MAPK1IP1L: variants seen among roughly 807,000 people sequenced by gnomAD.
MAPK1IP1L encodes the protein MAPK-interacting and spindle-stabilizing protein-like.
Under a neutral mutation model 18.1 loss-of-function variants are expected in MAPK1IP1L, and 10 were observed. The ratio of observed to expected loss-of-function variants is 0.55; its 90% CI spans 0.34 to 0.94. MAPK1IP1L has a LOEUF of 0.94. MAPK1IP1L is among the 40% of genes least tolerant of loss of function. The pLI, the probability that MAPK1IP1L is intolerant of heterozygous loss-of-function variation, is 0.02. For synonymous variants in MAPK1IP1L, 115 were observed against 117.3 expected (o/e 0.98, Z 0.13); for missense variants, 260 against 318.2 (o/e 0.82, Z 1.39).
chr14:55,058,764 G>A (rs996204897), intron 1 of MAPK1IP1L, among the ~76,000 whole-genome samples: 23 of 152,102 alleles, frequency 1.5e-4, no homozygotes, highest in African/African-American at 5.3e-4. Context: ...CCCAGGAGAT[G>A]GAGGTTGCAG....
chr14:55,062,869 T>C lies in MAPK1IP1L; in HGVS notation c.270T>C (p.Pro90=). The C allele has an allele frequency of 1.2e-6, 2 of 1,614,158 alleles. No homozygotes were observed. The highest frequency in any genetic ancestry group is 1.7e-6 in the Non-Finnish European group (2 of 1,180,030). ...CAGGACCCCCAGCACCCTTTCCTCC[T>C]TCCGGACCATCATGTCCCCCACCTG... ...PPPGPPAPFP[P]SGPSCPPPGG... The change falls in exon 3 of 4, where the codon CCT becomes CCC. Residue 90 remains proline (P), a synonymous_variant. Coordinates refer to ENST00000395468, the MANE Select transcript of MAPK1IP1L (RefSeq NM_144578.4).
At chr14:55,056,711 T>A (rs112450852) in intron 1 of MAPK1IP1L, among the ~76,000 whole-genome samples, 5 of 152,014 alleles carry the variant, frequency 3.3e-5, no homozygotes, top group Non-Finnish European at 7.4e-5. Flanking sequence ...GGGTTTCACC[T>A]TGTTAGCCAG....
chr14:55,064,585 A>G (rs2042847622), intron 3 of MAPK1IP1L, 31 bp from the exon 4 acceptor site: 1 of 1,609,624 alleles, frequency 6.2e-7, no homozygotes, highest in Non-Finnish European at 8.5e-7. Context: ...TGCAAAATCT[A>G]GAAGTTGACT....
intron 3 of MAPK1IP1L, among the ~76,000 whole-genome samples, chr14:55,064,250 T>C (rs1209491519): frequency 6.6e-6 from 1 of 150,760 alleles, no homozygotes; most frequent in East Asian, 1.9e-4. Flanking sequence ...TGCTTCAGCC[T>C]CCCAAAGTGC....
rs1328682969 is a variant in MAPK1IP1L at position 55,067,500 on chromosome 14, C to T, written c.*2873C>T. On this transcript the variant is annotated 3_prime_UTR_variant, in exon 4 of 4. Coordinates refer to ENST00000395468, the MANE Select transcript of MAPK1IP1L (RefSeq NM_144578.4). The stretch of plus-strand genomic sequence containing the variant: ...TCTTGGCTCGCTGCAACCTCTGCCT[C>T]CAGGTTCAAACGATTCTTCTGCCTC... 3.3e-5 allele frequency: 5 copies of T among 151,856 alleles called. No individual in the cohort carries two copies. Among genetic ancestry groups the T allele is most frequent in the Admixed American group, 2.6e-4 (4 of 15,214 alleles). The allele number at this position is 151,856 out of a possible 1,614,324, so 9.4% of individuals were successfully genotyped here.
At position 55,058,783 on chromosome 14, in the gene MAPK1IP1L, C is replaced by A. The variant is rs546053445; in HGVS notation, c.-4-2897C>A. On this transcript the variant is annotated intron_variant, in intron 1 of 3. Transcript: ENST00000395468. The stretch of plus-strand genomic sequence containing the variant: ...GGAGATGGAGGTTGCAGTGAGCTGA[C>A]ATCATGCTATTGCACTCTAGCCTGG... 3.7e-4 allele frequency among the ~76,000 whole-genome samples: 56 copies of A among 151,198 alleles called. 3 individuals carry two copies. The South Asian group carries it at 0.012, about 31-fold the overall frequency.
intron 1 of MAPK1IP1L, among the ~76,000 whole-genome samples, chr14:55,057,932 C>G (rs1594624101): frequency 6.6e-6 from 1 of 151,926 alleles, no homozygotes; most frequent in Admixed American, 6.6e-5. Context: ...AAGACCCTGT[C>G]TCAAAAAAAA....
intron 1 of MAPK1IP1L, among the ~76,000 whole-genome samples, chr14:55,058,025 C>G (rs2042785359): frequency 6.6e-6 from 1 of 152,228 alleles, no homozygotes; most frequent in African/African-American, 2.4e-5. Context: ...AGTTCAGGGT[C>G]TCAATGGCTG....
chr14:55,064,390 G>C (rs184293212), intron 3 of MAPK1IP1L, among the ~76,000 whole-genome samples: 1 of 152,186 alleles, frequency 6.6e-6, no homozygotes, highest in East Asian at 1.9e-4. Flanking sequence ...TAAAGGAAAA[G>C]AAATCTTTAA....
At chr14:55,058,936 AGAT>A (rs2042792540) in intron 1 of MAPK1IP1L, among the ~76,000 whole-genome samples, 1 of 151,816 alleles carries the variant, frequency 6.6e-6, no homozygotes, top group Non-Finnish European at 1.5e-5. Flanking sequence ...AATAATATAG[AGAT>A]GATTTATACG....
In MAPK1IP1L at chr14:55,064,809, A is replaced by T; in HGVS notation, c.*182A>T. On this transcript the variant is annotated 3_prime_UTR_variant, in exon 4 of 4. Transcript: ENST00000395468. ...ATGCGTAGTACATCATATGTATACA[A>T]TCAGATAAAAGCATAGAAGTAAATC... is the stretch of plus-strand genomic sequence containing the variant. The T allele has an allele frequency of 2.0e-6, 1 of 503,256 alleles. No homozygotes were observed. Among genetic ancestry groups the T allele is most frequent in the Non-Finnish European group, 3.6e-6 (1 of 278,168 alleles). The allele number at this position is 503,256 out of a possible 1,614,324, so 31.2% of individuals were successfully genotyped here. A position where few individuals can be genotyped will look rare whatever the true frequency, so the allele number is the denominator to read the frequency against.
At chr14:55,055,934 A>C (rs2042767911) in intron 1 of MAPK1IP1L, among the ~76,000 whole-genome samples, 1 of 152,194 alleles carries the variant, frequency 6.6e-6, no homozygotes, top group Non-Finnish European at 1.5e-5. Context: ...CATCTCAAAA[A>C]CAAAACAAAA....
At chr14:55,056,533 C>T (rs544659910) in intron 1 of MAPK1IP1L, among the ~76,000 whole-genome samples, 35 of 151,972 alleles carry the variant, frequency 2.3e-4, no homozygotes, top group African/African-American at 3.1e-4. Context: ...GTTTTTGAGA[C>T]GGAGTTTGCA....
At chr14:55,055,346 T>C (rs2042762939) in intron 1 of MAPK1IP1L, among the ~76,000 whole-genome samples, 1 of 152,178 alleles carries the variant, frequency 6.6e-6, no homozygotes, top group Non-Finnish European at 1.5e-5. Flanking sequence ...CCAACTGTTT[T>C]TCACCTTTTC....
rs146740281 is a variant in MAPK1IP1L, at chr14:55,065,130, A to C, written c.*503A>C. Reference sequence around the variant, plus strand: ...ATAAACCTGGTCCTCTTGAGGTTATATTTTGGATATACATTTTTAAACTGT... The same window carrying C: ...ATAAACCTGGTCCTCTTGAGGTTATCTTTTGGATATACATTTTTAAACTGT... On this transcript the variant is annotated 3_prime_UTR_variant, in exon 4 of 4. Coordinates refer to ENST00000395468, the MANE Select transcript of MAPK1IP1L (RefSeq NM_144578.4). The C allele has an allele frequency of 6.6e-6, 1 of 152,420 alleles. No individual in the cohort carries two copies. Among genetic ancestry groups the C allele is most frequent in the South Asian group, 2.1e-4 (1 of 4,840 alleles). 9.4% of individuals were successfully genotyped at this position (152,420 alleles called of 1,614,324 possible). A position where few individuals can be genotyped will look rare whatever the true frequency, so the allele number is the denominator to read the frequency against.
chr14:55,063,319 C>T lies in MAPK1IP1L; in HGVS notation c.720C>T (p.Gly240=), dbSNP rs776169092. ...CTGGTGCTCCACCAATGCCTGGTGG[C>T]CCCCATGTGAGTGTTCAATTTGTTA... ...GPSGAPPMPG[G]PHSYH Residue 240 remains glycine, a synonymous_variant, in exon 3 of 4, where the codon GGC becomes GGT. Transcript: ENST00000395468. 2 of 1,605,840 alleles carry T rather than the reference C, an allele frequency of 1.2e-6. No individual in the cohort carries two copies. Among genetic ancestry groups the T allele is most frequent in the East Asian group, 4.5e-5 (2 of 44,810 alleles).
chr14:55,064,195 T>C (rs1475150628), intron 3 of MAPK1IP1L, among the ~76,000 whole-genome samples: 1 of 151,620 alleles, frequency 6.6e-6, no homozygotes, highest in African/African-American at 2.4e-5. Flanking sequence ...AGTTTCACCA[T>C]GTTGGCCAGG....
At chr14:55,053,281 G>A (rs1046135850) in intron 1 of MAPK1IP1L, among the ~76,000 whole-genome samples, 13 of 152,218 alleles carry the variant, frequency 8.5e-5, no homozygotes, top group African/African-American at 3.1e-4. Context: ...AGTTTGGAGA[G>A]TTGGACTTGT....
intron 1 of MAPK1IP1L, among the ~76,000 whole-genome samples, chr14:55,054,678 G>A (rs2042757386): frequency 6.6e-6 from 1 of 152,168 alleles, no homozygotes; most frequent in Non-Finnish European, 1.5e-5. Context: ...AAGGATTCAT[G>A]TCCGGGTTTC....
Sources: gnomAD v4.1 joint callset for allele counts (sites outside exome capture counted in the v4.1 genomes callset) on GRCh38, gnomAD v4.1.1 for gene constraint, MANE v1.5 for transcripts, NCBI Gene and HGNC (gene_info 2026-07-23, HGNC 2026-07-21) for gene names.